MMP26: variants seen among roughly 807,000 people sequenced by gnomAD.
MMP26 encodes matrix metallopeptidase 26.
A neutral mutation model predicts 31.0 loss-of-function variants in MMP26; 33 were observed. The observed-to-expected ratio is 1.06, with a 90% confidence interval of 0.81 to 1.42. The LOEUF (loss-of-function observed/expected upper bound fraction) is 1.42. Among genes scored for constraint, MMP26 ranks in the 40% most tolerant of loss-of-function variants. The pLI is 0.00. For missense variants in MMP26, 347 were observed against 316.1 expected, an observed-to-expected ratio of 1.10 and a Z score of -0.74; for synonymous variants, 122 against 114.9, an observed-to-expected ratio of 1.06 and a Z score of -0.40.
chr11:4,756,639 A>C (rs1164517206), intron 1 of MMP26: 1 of 152,168 alleles, frequency 6.6e-6, no homozygotes, highest in Non-Finnish European at 1.5e-5. Context: ...GTGAAAACAG[A>C]TGGAGATTGC....
intron 1 of MMP26, among the ~76,000 whole-genome samples, chr11:4,746,509 G>T (rs1437326517): frequency 1.3e-5 from 2 of 152,014 alleles, no homozygotes; most frequent in African/African-American, 4.8e-5. Context: ...TTTACAGTAG[G>T]CGCTAAATAC....
chr11:4,962,086 A>G (rs557305057), intron 2 of MMP26, among the ~76,000 whole-genome samples: 1 of 152,110 alleles, frequency 6.6e-6, no homozygotes, highest in African/African-American at 2.4e-5. Context: ...ATCTGCTGGT[A>G]AGCACAAATT....
intron 1 of MMP26, among the ~76,000 whole-genome samples, chr11:4,715,941 C>T (rs542963745): frequency 1.3e-5 from 2 of 152,296 alleles, no homozygotes; most frequent in African/African-American, 4.8e-5. Context: ...GGAAGACTAT[C>T]CTGCTAGGGC....
intron 2 of MMP26, chr11:4,804,051 A>C (rs369048280): frequency 3.7e-6 from 6 of 1,614,038 alleles, no homozygotes; most frequent in Non-Finnish European, 4.2e-6. Context: ...CCACAGAAGA[A>C]AAGGCATGGA....
chr11:4,871,640 T>G (rs1850312073), intron 2 of MMP26: 2 of 152,126 alleles, frequency 1.3e-5, no homozygotes, highest in African/African-American at 4.8e-5. Flanking sequence ...ATAGAATCAC[T>G]CCAGGGGAAA....
intron 2 of MMP26, among the ~76,000 whole-genome samples, chr11:4,800,320 T>C (rs1207033249): frequency 6.6e-6 from 1 of 152,168 alleles, no homozygotes; most frequent in Non-Finnish European, 1.5e-5. Flanking sequence ...TAACACCACA[T>C]GGAAGCTGCC....
At chr11:4,860,591 G>A (rs1345565203) in intron 2 of MMP26, 6 of 429,818 alleles carry the variant, frequency 1.4e-5, no homozygotes, top group South Asian at 7.2e-5. Flanking sequence ...GGTGGGGCTG[G>A]ACTCCTCCAC....
intron 2 of MMP26, chr11:4,944,413 G>A (rs2595990): frequency 0.83 from 133,453 of 160,076 alleles, 55,801 homozygotes; most frequent in Middle Eastern, 0.9. Context: ...ATTGTTGAGA[G>A]CAAATTTTTA....
chr11:4,962,526 T>C (rs543891225), intron 2 of MMP26, among the ~76,000 whole-genome samples: 18 of 152,322 alleles, frequency 1.2e-4, no homozygotes, highest in Admixed American at 4.6e-4. Context: ...CAGATGCCCA[T>C]TGCAAGCTCA....
chr11:4,714,335 G>A (rs914295502), intron 1 of MMP26, among the ~76,000 whole-genome samples: 9 of 152,098 alleles, frequency 5.9e-5, no homozygotes, highest in African/African-American at 1.9e-4. Flanking sequence ...TTGTTTTGCT[G>A]CTTAGAGCAG....
At chr11:4,819,832 G>A (rs1050837557) in intron 2 of MMP26, among the ~76,000 whole-genome samples, 2 of 151,792 alleles carry the variant, frequency 1.3e-5, no homozygotes, top group Admixed American at 6.6e-5. Flanking sequence ...CTCCCGCCTC[G>A]ACCTCCCAAA....
chr11:4,933,770 G>A (rs1851389226), intron 2 of MMP26, among the ~76,000 whole-genome samples: 1 of 133,776 alleles, frequency 7.5e-6, no homozygotes, highest in Admixed American at 9.1e-5. Flanking sequence ...TCCCCTTCCT[G>A]TGTCCATGTG....
At chr11:4,783,025 G>T (rs553947807) in intron 2 of MMP26, among the ~76,000 whole-genome samples, 1 of 152,234 alleles carries the variant, frequency 6.6e-6, no homozygotes, top group Non-Finnish European at 1.5e-5. Flanking sequence ...TGCTAGGGCA[G>T]TGCAGAAGGA....
chr11:4,936,892 T>A (rs1431149464), intron 2 of MMP26, among the ~76,000 whole-genome samples: 1 of 152,152 alleles, frequency 6.6e-6, no homozygotes, highest in Non-Finnish European at 1.5e-5. Flanking sequence ...GCAGTTAATA[T>A]ACATATTTTA....
Position 4,707,069 on chromosome 11 carries a change from A to G in MMP26, c.-217+2024A>G, listed in dbSNP as rs754268732. ...GTGCAGATACCTCTTTGACTAACTG[A>G]TTTCCTTTCCTTTGGATATATACTC... On this transcript the variant is annotated intron_variant, in intron 1 of 7. Transcript: ENST00000380390. Among the ~76,000 whole-genome samples, 4 of 152,104 alleles carry G rather than the reference A, an allele frequency of 2.6e-5. No individual in the cohort carries two copies. The East Asian group carries it at 5.8e-4, about 22-fold the overall frequency.
intron 1 of MMP26, chr11:4,723,443 TG>T: frequency 9.7e-7 from 1 of 1,031,570 alleles, no homozygotes; most frequent in Non-Finnish European, 1.5e-6. Context: ...CTGCTGTCCA[TG>T]GACAGCACCA....
chr11:4,758,508 G>A (rs946689051), intron 1 of MMP26, among the ~76,000 whole-genome samples: 4 of 144,814 alleles, frequency 2.8e-5, no homozygotes, highest in Admixed American at 6.9e-5. Flanking sequence ...GCATAGCACC[G>A]CAATACATAC....
intron 2 of MMP26, among the ~76,000 whole-genome samples, chr11:4,872,928 C>T (rs1212610246): frequency 6.6e-6 from 1 of 151,992 alleles, no homozygotes; most frequent in African/African-American, 2.4e-5. Context: ...CATACGGACC[C>T]ACCTGTAAAG....
intron 1 of MMP26, among the ~76,000 whole-genome samples, chr11:4,759,111 C>CAAAA (rs989730402): frequency 3.0e-4 from 13 of 43,162 alleles, no homozygotes; most frequent in Admixed American, 9.8e-4. Flanking sequence ...CATTCCATCT[C>CAAAA]AAAAAAAAAA....
Sources: gnomAD v4.1 joint callset for allele counts (sites outside exome capture counted in the v4.1 genomes callset) on GRCh38, gnomAD v4.1.1 for gene constraint, MANE v1.5 for transcripts, NCBI Gene and HGNC (gene_info 2026-07-23, HGNC 2026-07-21) for gene names.